The following RASEF variants were observed in gnomAD, a reference collection of about 807,000 sequenced individuals.
The protein encoded by RASEF is ras and EF-hand domain-containing protein.
A neutral mutation model predicts 90.1 loss-of-function variants in RASEF; 68 were observed. The ratio of observed to expected loss-of-function variants is 0.75; its 90% confidence interval spans 0.62 to 0.92. The LOEUF is 0.92. Among genes scored for constraint, RASEF ranks in the 40% least tolerant of loss-of-function variants. The pLI, the probability that RASEF is intolerant of heterozygous loss-of-function variation, is 0.00. For missense variants in RASEF, 949 were observed against 937.2 expected (o/e 1.01, Z -0.16); for synonymous variants, 331 against 345.2 (o/e 0.96, Z 0.46).
chr9:83,062,161 C>T (rs941236543), intron 1 of RASEF, among the ~76,000 whole-genome samples: 2 of 152,318 alleles, frequency 1.3e-5, no homozygotes, highest in African/African-American at 4.8e-5. Flanking sequence ...GCGCCAGCAG[C>T]TGCAGATTTC....
Position 83,015,891 on chromosome 9 carries a change from T to G in RASEF, c.679A>C (p.Lys227Gln), listed in dbSNP as rs759307612. 1.9e-6 allele frequency: 3 copies of G among 1,613,120 alleles called. No homozygotes were observed. The South Asian group carries it at 3.3e-5, about 18-fold the overall frequency. ...EHKTRKDEKR[K>Q]AEEALSDLRR... ...AGGTCACTGAGGGCTTCCTCAGCTT[T>G]GCGTTTTTCCTAAAAGAAAAAAAAA... is the stretch of plus-strand genomic sequence containing the variant. The change falls in exon 4 of 17, where the codon AAA (lysine) becomes CAA (glutamine). Residue 227 changes from lysine (K) to glutamine (Q), a missense_variant. Lys to Gln is a moderately conservative substitution (Grantham distance 53). Around this residue, in one of 3 missense-constraint regions of RASEF, gnomAD observed 656 missense variants for 592.2 expected, o/e 1.11. Coordinates refer to ENST00000376447, the MANE Select transcript of RASEF (RefSeq NM_152573.4).
At chr9:83,029,486 A>G (rs1436362853) in intron 1 of RASEF, among the ~76,000 whole-genome samples, 2 of 148,316 alleles carry the variant, frequency 1.3e-5, no homozygotes, top group Non-Finnish European at 3.0e-5. Flanking sequence ...TCCGCCTCCC[A>G]GGTTCAAGCG....
the RASEF span, among the ~76,000 whole-genome samples, chr9:83,079,741 A>G: frequency 6.6e-6 from 1 of 152,150 alleles, no homozygotes; most frequent in East Asian, 1.9e-4. Flanking sequence ...GTATGTCTAA[A>G]CAACAAATTA....
At chr9:83,166,988 A>T in the RASEF span, among the ~76,000 whole-genome samples, 4 of 152,236 alleles carry the variant, frequency 2.6e-5, no homozygotes, top group East Asian at 7.7e-4. Flanking sequence ...CTGGTTCCAG[A>T]CTCTTTGAGG....
chr9:83,179,805 C>T, the RASEF span, among the ~76,000 whole-genome samples: 1 of 152,062 alleles, frequency 6.6e-6, no homozygotes, highest in African/African-American at 2.4e-5. Flanking sequence ...AACACACACA[C>T]ATACACACAC....
chr9:82,989,450 G>T (rs1381795425), intron 16 of RASEF, among the ~76,000 whole-genome samples: 1 of 152,102 alleles, frequency 6.6e-6, no homozygotes, highest in Non-Finnish European at 1.5e-5. Flanking sequence ...CCTGGATCCA[G>T]CAGCCTCCAT....
chr9:83,058,499 T>G lies in RASEF; in HGVS notation c.431+3938A>C, dbSNP rs1306869506. Among the ~76,000 whole-genome samples, 3 of 152,236 alleles carry G rather than the reference T, an allele frequency of 2.0e-5. No homozygotes were observed. The East Asian group carries it at 5.8e-4, about 30-fold the overall frequency. On this transcript the variant is annotated intron_variant, in intron 1 of 16. Transcript: ENST00000376447. The stretch of plus-strand genomic sequence containing the variant: ...GCCCGGCCGTATTTATGTCTTTCTT[T>G]GCCTCTGTCTCTCCTCTCCCTTTTC...
chr9:83,150,166 G>A, the RASEF span, among the ~76,000 whole-genome samples: 2 of 152,188 alleles, frequency 1.3e-5, no homozygotes, highest in African/African-American at 4.8e-5. Flanking sequence ...GCAGCCAAAT[G>A]GAAGAGATGC....
chr9:83,211,680 C>G, the RASEF span, among the ~76,000 whole-genome samples: 3 of 152,162 alleles, frequency 2.0e-5, no homozygotes, highest in African/African-American at 7.2e-5. Flanking sequence ...TTGCACTAAC[C>G]TTATTTTTTA....
the RASEF span, among the ~76,000 whole-genome samples, chr9:83,129,451 A>C: frequency 6.6e-6 from 1 of 152,164 alleles, no homozygotes; most frequent in African/African-American, 2.4e-5. Flanking sequence ...AAAGAATCTA[A>C]GTAGCTTTAT....
At chr9:83,078,876 T>C in the RASEF span, among the ~76,000 whole-genome samples, 1 of 152,226 alleles carries the variant, frequency 6.6e-6, no homozygotes, top group African/African-American at 2.4e-5. Context: ...TTCATATCCT[T>C]TGCCCACTTT....
At chr9:82,997,923 C>T (rs141107557) in intron 13 of RASEF, among the ~76,000 whole-genome samples, 65 of 152,258 alleles carry the variant, frequency 4.3e-4, no homozygotes, top group African/African-American at 1.5e-3. Context: ...CTCTGCTTAT[C>T]GGTAATGAAT....
At chr9:83,082,084 C>G in the RASEF span, among the ~76,000 whole-genome samples, 1 of 152,106 alleles carries the variant, frequency 6.6e-6, no homozygotes, top group African/African-American at 2.4e-5. Flanking sequence ...AAAATAAGCT[C>G]TTAAGGCTGG....
the RASEF span, among the ~76,000 whole-genome samples, chr9:83,170,023 T>C: frequency 6.6e-6 from 1 of 152,034 alleles, no homozygotes; most frequent in South Asian, 2.1e-4. Context: ...CCTGAAATGG[T>C]TCCCCAATAT....
At chr9:83,077,458 C>A in the RASEF span, among the ~76,000 whole-genome samples, 6 of 152,070 alleles carry the variant, frequency 3.9e-5, no homozygotes, top group Non-Finnish European at 8.8e-5. Context: ...CTCAAACTTA[C>A]CTTAGCCCTG....
At chr9:83,192,975 G>C in the RASEF span, among the ~76,000 whole-genome samples, 1 of 152,192 alleles carries the variant, frequency 6.6e-6, no homozygotes, top group South Asian at 2.1e-4. Flanking sequence ...GTGAGAAACA[G>C]GTTACAAGCT....
At chr9:83,174,797 C>T in the RASEF span, among the ~76,000 whole-genome samples, 1 of 152,226 alleles carries the variant, frequency 6.6e-6, no homozygotes, top group East Asian at 1.9e-4. Context: ...TAATTTCTTT[C>T]AGCAATGTTT....
intron 3 of RASEF, among the ~76,000 whole-genome samples, 188 bp from the exon 4 acceptor site, chr9:83,016,088 C>T (rs1829338310): frequency 6.6e-6 from 1 of 152,096 alleles, no homozygotes; most frequent in Non-Finnish European, 1.5e-5. Flanking sequence ...GAACTGAAAC[C>T]TACAAAACTG....
the RASEF span, among the ~76,000 whole-genome samples, chr9:83,102,250 G>A: frequency 1.3e-5 from 2 of 152,124 alleles, no homozygotes; most frequent in Non-Finnish European, 2.9e-5. Context: ...CTAATTTTTT[G>A]TATTTTTAGT....
Sources: allele counts gnomAD v4.1 joint callset (sites outside exome capture counted in the v4.1 genomes callset), GRCh38; gene constraint gnomAD v4.1.1; regional missense constraint gnomAD v4.1.1; transcripts MANE v1.5; gene names NCBI Gene and HGNC (gene_info 2026-07-23, HGNC 2026-07-21).